SWAP70: variants seen among roughly 807,000 people sequenced by gnomAD.
The protein encoded by SWAP70 is switching B cell complex subunit SWAP70.
Under a neutral mutation model 80.2 loss-of-function variants are expected in SWAP70, and 34 were observed. The observed-to-expected ratio is 0.42, with a 90% CI of 0.32 to 0.56. The LOEUF is 0.56. Ranked by LOEUF, SWAP70 falls within the 20% of genes least tolerant of loss-of-function variation. The pLI is 0.09. For missense variants in SWAP70, 578 were observed against 690.7 expected, an observed-to-expected ratio of 0.84 and a Z score of 1.83; for synonymous variants, 239 against 238.5, an observed-to-expected ratio of 1.00 and a Z score of -0.02.
At chr11:9,732,481 A>G (rs555867605) in intron 6 of SWAP70, 48 bp from the exon 7 acceptor site, 4 of 1,539,860 alleles carry the variant, frequency 2.6e-6, no homozygotes, top group African/African-American at 1.4e-5. Context: ...GCTTACAAAG[A>G]ATAAATAATA....
intron 9 of SWAP70, among the ~76,000 whole-genome samples, chr11:9,745,969 C>T (rs1851507214): frequency 6.6e-6 from 1 of 152,212 alleles, no homozygotes; most frequent in African/African-American, 2.4e-5. Context: ...CAACTACAGC[C>T]CAAGCCAGGC....
chr11:9,717,111 A>G (rs1851076364), intron 3 of SWAP70, among the ~76,000 whole-genome samples: 1 of 152,196 alleles, frequency 6.6e-6, no homozygotes, highest in East Asian at 1.9e-4. Flanking sequence ...AGGAGAAGGC[A>G]GTTTCGCTGT....
At chr11:9,707,617 G>A (rs1850934169) in intron 2 of SWAP70, among the ~76,000 whole-genome samples, 1 of 146,472 alleles carries the variant, frequency 6.8e-6, no homozygotes, top group South Asian at 2.1e-4. Context: ...GTGTAGTGGT[G>A]CGATCTTGGC....
chr11:9,694,769 C>T (rs1455830654), intron 2 of SWAP70, among the ~76,000 whole-genome samples: 2 of 152,138 alleles, frequency 1.3e-5, no homozygotes, highest in Admixed American at 6.5e-5. Context: ...TACCATCTCA[C>T]GCCAGTCAGA....
chr11:9,752,711 G>C lies in SWAP70; in HGVS notation c.*2741G>C, dbSNP rs1851606773. 6.6e-6 allele frequency: 1 copy of C among 152,112 alleles called. No homozygotes were observed. Among genetic ancestry groups the C allele is most frequent in the Non-Finnish European group, 1.5e-5 (1 of 68,018 alleles). The allele number at this position is 152,112 out of a possible 1,614,324, so 9.4% of individuals were successfully genotyped here. ...TCAGGTGTTTTCCTTAATAAGTAGG[G>C]ATATGATCATTTACAGGAATTATAT... On this transcript the variant is annotated 3_prime_UTR_variant, in exon 12 of 12. Coordinates refer to ENST00000318950, the MANE Select transcript of SWAP70 (RefSeq NM_015055.4).
At chr11:9,692,589 TC>T (rs1414911818) in intron 1 of SWAP70, among the ~76,000 whole-genome samples, 2 of 152,152 alleles carry the variant, frequency 1.3e-5, no homozygotes, top group Non-Finnish European at 2.9e-5. Context: ...TGGGTAAAGT[TC>T]CAAATGATTT....
At chr11:9,671,455 AATAT>A (rs377725154) in intron 1 of SWAP70, among the ~76,000 whole-genome samples, 3 of 95,392 alleles carry the variant, frequency 3.1e-5, no homozygotes, top group African/African-American at 8.5e-5. Flanking sequence ...TATATTTATA[AATAT>A]ATATATAAAT....
rs200003596 is a variant in SWAP70 at position 9,707,552 on chromosome 11, C to CTTTTTTTTTT, written c.241-5910_241-5909insTTTTTTTTTT. Among the ~76,000 whole-genome samples, 3 of 132,280 alleles carry CTTTTTTTTTT rather than the reference C, an allele frequency of 2.3e-5. 1 individual carries two copies. The allele number at this position is 132,280 out of a possible 152,430, so 86.8% of individuals were successfully genotyped here. A position where few individuals can be genotyped will look rare whatever the true frequency, so the allele number is the denominator to read the frequency against. Reference sequence around the variant, plus strand: ...TATGTATATAACACATTTTCTTTTTCTTTTCTTTTTTTTTTTTTTTTGAGA... The same window carrying CTTTTTTTTTT: ...TATGTATATAACACATTTTCTTTTTCTTTTTTTTTTTTTTCTTTTTTTTTTTTTTTTGAGA... On this transcript the variant is annotated intron_variant, in intron 2 of 11. Coordinates refer to ENST00000318950, the MANE Select transcript of SWAP70 (RefSeq NM_015055.4).
At chr11:9,671,957 A>ATATATTTTATATGTTATATATTTTTC (rs1174380586) in intron 1 of SWAP70, among the ~76,000 whole-genome samples, 1 of 111,848 alleles carries the variant, frequency 8.9e-6, no homozygotes, top group East Asian at 2.6e-4. Flanking sequence ...ATAATATATA[A>ATATATTTTATATGTTATATATTTTTC]TATATTTTAT....
intron 1 of SWAP70, among the ~76,000 whole-genome samples, chr11:9,667,636 C>A (rs1179641863): frequency 6.6e-6 from 1 of 152,008 alleles, no homozygotes; most frequent in African/African-American, 2.4e-5. Context: ...GATCATGGCT[C>A]AATGCAGCCT....
chr11:9,726,765 T>C (rs1851230379), intron 4 of SWAP70: 1 of 407,820 alleles, frequency 2.5e-6, no homozygotes, highest in Admixed American at 2.8e-5. Flanking sequence ...TATAATAATG[T>C]ATAATTTTGC....
Position 9,664,129 on chromosome 11 carries a change from C to T in SWAP70, c.-51C>T. 6.6e-7 allele frequency: 1 copy of T among 1,508,490 alleles called. No individual in the cohort carries two copies. The highest frequency in any genetic ancestry group is 8.9e-7 in the Non-Finnish European group (1 of 1,125,086). 93.4% of individuals were successfully genotyped at this position (1,508,490 alleles called of 1,614,324 possible). A position where few individuals can be genotyped will look rare whatever the true frequency, so the allele number is the denominator to read the frequency against. ...CGGAGGTTGAGGGGCGTCCGAGGCG[C>T]GGAGGGGCTGGCTGGGCAGGAGGGG... On this transcript the variant is annotated 5_prime_UTR_variant, in exon 1 of 12. Coordinates refer to ENST00000318950, the MANE Select transcript of SWAP70 (RefSeq NM_015055.4).
chr11:9,674,837 C>T (rs1035475121), intron 1 of SWAP70, among the ~76,000 whole-genome samples: 4 of 151,828 alleles, frequency 2.6e-5, no homozygotes, highest in African/African-American at 9.7e-5. Context: ...GGCGTGGTGG[C>T]GGGCGGCTGT....
chr11:9,722,663 G>A (rs1851154807), intron 3 of SWAP70, among the ~76,000 whole-genome samples: 2 of 152,160 alleles, frequency 1.3e-5, no homozygotes, highest in Admixed American at 6.5e-5. Context: ...TAACTGGGTC[G>A]AGAGGTGGGA....
chr11:9,751,113 G>C lies in SWAP70; in HGVS notation c.*1143G>C, dbSNP rs3829253. On this transcript the variant is annotated 3_prime_UTR_variant, in exon 12 of 12. Coordinates refer to ENST00000318950, the MANE Select transcript of SWAP70 (RefSeq NM_015055.4). Reference sequence around the variant, plus strand: ...TTTGTATAATTAAGAAAGCAGATTAGATGCACATGGTCAACAGGAAGTTGA... The same window carrying C: ...TTTGTATAATTAAGAAAGCAGATTACATGCACATGGTCAACAGGAAGTTGA... 5 of 152,360 alleles carry C rather than the reference G, an allele frequency of 3.3e-5. No homozygotes were observed. In the East Asian group the frequency reaches 9.6e-4, roughly 29 times the overall value. The allele number at this position is 152,360 out of a possible 1,614,324, so 9.4% of individuals were successfully genotyped here.
rs776801822 is a variant in SWAP70 at position 9,747,990 on chromosome 11, G to C, written c.1488G>C (p.Leu496=). 2.5e-6 allele frequency: 4 copies of C among 1,614,116 alleles called. No individual in the cohort carries two copies. In the Admixed American group the frequency reaches 6.7e-5, roughly 27 times the overall value. Residue 496 remains leucine (L), a synonymous_variant, in exon 10 of 12, where the codon CTG becomes CTC. Transcript: ENST00000318950. Reference sequence around the variant, plus strand: ...AGCGTGTCCTGAAGGAACAGGCCCTGCAGGAGGCCATGGAGCAGCTGGAGC... The same window carrying C: ...AGCGTGTCCTGAAGGAACAGGCCCTCCAGGAGGCCATGGAGCAGCTGGAGC... ...ENQRVLKEQA[L]QEAMEQLEQL...
intron 1 of SWAP70, among the ~76,000 whole-genome samples, chr11:9,691,521 G>T (rs575521725): frequency 6.6e-6 from 1 of 152,082 alleles, no homozygotes; most frequent in African/African-American, 2.4e-5. Flanking sequence ...TTTAATTGTC[G>T]AAGGCTGAAA....
In SWAP70 at chr11:9,720,543, C is replaced by G. The variant is rs560629590; in HGVS notation, c.415-4115C>G. 1.1e-5 allele frequency: 10 copies of G among 948,272 alleles called. No individual in the cohort carries two copies. In the African/African-American group the frequency reaches 1.1e-4, roughly 10 times the overall value. 58.7% of individuals were successfully genotyped at this position (948,272 alleles called of 1,614,324 possible). On this transcript the variant is annotated intron_variant, in intron 3 of 11. Transcript: ENST00000318950. ...TGTGCCAGGACATGGTCATTCGGCT[C>G]TACCATCTTGTCTCACCCACGTGTA... is the stretch of plus-strand genomic sequence containing the variant.
chr11:9,695,358 A>G (rs764305473), intron 2 of SWAP70, among the ~76,000 whole-genome samples: 3 of 152,114 alleles, frequency 2.0e-5, no homozygotes, highest in Non-Finnish European at 4.4e-5. Context: ...TAGCAAAGAC[A>G]TGGAACCAAC....
Sources: gnomAD v4.1 joint callset for allele counts (sites outside exome capture counted in the v4.1 genomes callset) on GRCh38, gnomAD v4.1.1 for gene constraint, MANE v1.5 for transcripts, NCBI Gene and HGNC (gene_info 2026-07-23, HGNC 2026-07-21) for gene names.